The following RBPJ variants were observed in gnomAD, a reference collection of about 807,000 sequenced individuals.
The protein encoded by RBPJ is recombination signal binding protein for immunoglobulin kappa J region.
Under a neutral mutation model 67.8 loss-of-function variants are expected in RBPJ, and 9 were observed. The observed-to-expected ratio is 0.13, with a 90% CI of 0.08 to 0.23. The LOEUF is 0.23. Among genes scored for constraint, RBPJ ranks in the 10% least tolerant of loss-of-function variants. The pLI is 1.00. For missense variants in RBPJ, 305 were observed against 595.6 expected (o/e 0.51, Z 5.08); for synonymous variants, 198 against 203.3 (o/e 0.97, Z 0.22).
At chr4:26,272,501 T>C in intron 1 of RBPJ, 1 of 318,104 alleles carries the variant, frequency 3.1e-6, no homozygotes, top group Non-Finnish European at 6.2e-6. Flanking sequence ...AGACCAGAAG[T>C]TCAAGGCTGC....
intron 1 of RBPJ, chr4:26,321,415 C>A (rs1448931882): frequency 1.3e-5 from 2 of 152,062 alleles, no homozygotes; most frequent in African/African-American, 4.8e-5. Flanking sequence ...CGCTTCGCCC[C>A]GCTAGTGCCC....
intron 1 of RBPJ, among the ~76,000 whole-genome samples, chr4:26,252,995 C>G (rs1165025709): frequency 2.0e-5 from 3 of 152,154 alleles, no homozygotes; most frequent in Non-Finnish European, 4.4e-5. Flanking sequence ...TACATGTTTG[C>G]TATAAGCATT....
intron 4 of RBPJ, among the ~76,000 whole-genome samples, chr4:26,416,693 T>C (rs1454047163): frequency 6.6e-6 from 1 of 152,230 alleles, no homozygotes; most frequent in Non-Finnish European, 1.5e-5. Flanking sequence ...ATTTGATACA[T>C]CCTTGTTGAA....
At chr4:26,394,440 T>C (rs1250060683) in intron 2 of RBPJ, among the ~76,000 whole-genome samples, 2 of 150,042 alleles carry the variant, frequency 1.3e-5, no homozygotes, top group East Asian at 3.9e-4. Context: ...CCCTTTAATA[T>C]GGCCCACAAG....
chr4:26,315,312 G>A (rs2109310451), upstream of RBPJ, among the ~76,000 whole-genome samples: 1 of 151,268 alleles, frequency 6.6e-6, no homozygotes, highest in South Asian at 2.1e-4. Context: ...AGTACAAAGA[G>A]AGGAATTTTA....
chr4:26,191,586 T>C (rs1021066625), intron 1 of RBPJ, among the ~76,000 whole-genome samples: 7 of 151,968 alleles, frequency 4.6e-5, no homozygotes, highest in African/African-American at 1.7e-4. Context: ...GGGAGCAAAG[T>C]CCAGAGGAAA....
chr4:26,155,935 T>A, the RBPJ span, among the ~76,000 whole-genome samples: 3 of 152,160 alleles, frequency 2.0e-5, no homozygotes, highest in African/African-American at 7.2e-5. Context: ...TCCCATTTTA[T>A]CTGTGTAATC....
At chr4:26,157,410 G>T in the RBPJ span, among the ~76,000 whole-genome samples, 1 of 152,030 alleles carries the variant, frequency 6.6e-6, no homozygotes, top group African/African-American at 2.4e-5. Flanking sequence ...TCCAACCTGG[G>T]TGACAAAGCA....
Position 26,433,838 on chromosome 4 carries a change from T to C in RBPJ, c.*2831T>C, listed in dbSNP as rs1261677378. 1 of 152,198 alleles carries C rather than the reference T, an allele frequency of 6.6e-6. No homozygotes were observed. Among genetic ancestry groups the C allele is most frequent in the Non-Finnish European group, 1.5e-5 (1 of 68,034 alleles). 9.4% of individuals were successfully genotyped at this position (152,198 alleles called of 1,614,324 possible). A position where few individuals can be genotyped will look rare whatever the true frequency, so the allele number is the denominator to read the frequency against. On this transcript the variant is annotated 3_prime_UTR_variant, in exon 11 of 11. Coordinates refer to ENST00000355476, the MANE Select transcript of RBPJ (RefSeq NM_015874.6). ...GGTTATAGTAGACTGTGTGCCCTCC[T>C]CCAGTGATGGCATTATTAGACATGC...
intron 1 of RBPJ, among the ~76,000 whole-genome samples, chr4:26,341,260 A>G (rs1725494305): frequency 6.6e-6 from 1 of 152,164 alleles, no homozygotes; most frequent in Admixed American, 6.5e-5. Context: ...CCTAGAAGTC[A>G]AATAAAGAAG....
At chr4:26,364,598 C>CTTTTTTTTTTTTTTTTTTTTCTTTTTTTT (rs10939108) in intron 1 of RBPJ, among the ~76,000 whole-genome samples, 1 of 125,414 alleles carries the variant, frequency 8.0e-6, no homozygotes, top group Non-Finnish European at 1.7e-5. Context: ...ATTTGGAAGA[C>CTTTTTTTTTTTTTTTTTTTTCTTTTTTTT]TTTTTTTTTT....
chr4:26,234,611 C>T (rs543363346), intron 1 of RBPJ, among the ~76,000 whole-genome samples: 1 of 152,234 alleles, frequency 6.6e-6, no homozygotes, highest in Admixed American at 6.5e-5. Context: ...TGTCTCTGTC[C>T]CCCGTTCCTG....
intron 1 of RBPJ, among the ~76,000 whole-genome samples, chr4:26,256,041 T>C (rs1375064844): frequency 6.6e-6 from 1 of 152,186 alleles, no homozygotes; most frequent in African/African-American, 2.4e-5. Flanking sequence ...CCCCTCTCCC[T>C]TTCTCACTTA....
At position 26,420,645 on chromosome 4, in the gene RBPJ, A is replaced by G; in HGVS notation, c.416A>G (p.Asp139Gly). Residue 139 changes from aspartate (D) to glycine (G), a missense_variant, in exon 5 of 11, where the codon GAC (aspartate) becomes GGC (glycine). Asp to Gly is a moderately conservative substitution (Grantham distance 94, BLOSUM62 -1). This residue lies in a region of RBPJ where 79 missense variants were observed against 106.2 expected (regional missense o/e 0.74). Coordinates refer to ENST00000355476, the MANE Select transcript of RBPJ (RefSeq NM_015874.6). ...SVKMFYGNSD[D>G]IGVFLSKRIK... ...AAGATGTTCTATGGCAACAGTGATGACATTGGTGTGTTCCTCAGCAAGCGG... is the reference window on the plus strand; with the variant it reads ...AAGATGTTCTATGGCAACAGTGATGGCATTGGTGTGTTCCTCAGCAAGCGG... 7 of 1,613,962 alleles carry G rather than the reference A, an allele frequency of 4.3e-6. No homozygotes were observed. The highest frequency in any genetic ancestry group is 5.9e-6 in the Non-Finnish European group (7 of 1,179,826).
chr4:26,201,520 C>T (rs2109154605), intron 1 of RBPJ, among the ~76,000 whole-genome samples: 1 of 152,266 alleles, frequency 6.6e-6, no homozygotes, highest in East Asian at 1.9e-4. Flanking sequence ...CCTCATTTTC[C>T]ATTTTTCACT....
intron 1 of RBPJ, among the ~76,000 whole-genome samples, chr4:26,378,581 G>C (rs16867798): frequency 0.5 from 75,823 of 151,982 alleles, 20,162 homozygotes; most frequent in Admixed American, 0.62. Context: ...GCTGAGGGTG[G>C]CTGCAGTTGA....
At chr4:26,340,311 A>G (rs374544358) in intron 1 of RBPJ, among the ~76,000 whole-genome samples, 1 of 152,236 alleles carries the variant, frequency 6.6e-6, no homozygotes, top group African/African-American at 2.4e-5. Context: ...CACAAAAGGA[A>G]TAACACCTGC....
At chr4:26,174,092 G>A (rs1716710088) in intron 1 of RBPJ, among the ~76,000 whole-genome samples, 1 of 152,182 alleles carries the variant, frequency 6.6e-6, no homozygotes, top group Non-Finnish European at 1.5e-5. Flanking sequence ...TCTTCAACAG[G>A]ACGGTTGCTT....
At chr4:26,184,903 A>G (rs1717175410) in intron 1 of RBPJ, among the ~76,000 whole-genome samples, 1 of 152,158 alleles carries the variant, frequency 6.6e-6, no homozygotes, top group South Asian at 2.1e-4. Flanking sequence ...GCACTTTGGG[A>G]GGCCAAGATG....
Sources: gnomAD v4.1 joint callset for allele counts (sites outside exome capture counted in the v4.1 genomes callset) on GRCh38, gnomAD v4.1.1 for gene constraint, gnomAD v4.1.1 regional missense constraint, MANE v1.5 for transcripts, NCBI Gene and HGNC (gene_info 2026-07-23, HGNC 2026-07-21) for gene names.